The following TNRC6A variants were observed in gnomAD, a reference collection of about 807,000 sequenced individuals.
TNRC6A encodes the protein trinucleotide repeat containing adaptor 6A, also known as trinucleotide repeat-containing gene 6A protein.
A neutral mutation model predicts 221.2 loss-of-function variants in TNRC6A; 44 were observed. The ratio of observed to expected loss-of-function variants is 0.20; its 90% CI spans 0.16 to 0.26. The LOEUF is 0.26. Among genes scored for constraint, TNRC6A ranks in the 10% least tolerant of loss-of-function variants. The pLI is 1.00. For synonymous variants in TNRC6A, 847 were observed against 838.5 expected (o/e 1.01, Z -0.18); for missense variants, 2,199 against 2,404.4 (o/e 0.91, Z 1.79).
intron 2 of TNRC6A, among the ~76,000 whole-genome samples, chr16:24,659,831 C>A (rs909890083): frequency 1.3e-5 from 2 of 152,198 alleles, no homozygotes; most frequent in East Asian, 3.8e-4. Context: ...CCTGATACAT[C>A]ATCTATTACC....
Position 24,822,869 on chromosome 16 carries a change from C to T in TNRC6A, c.5374-5C>T, listed in dbSNP as rs896020202. On this transcript the variant is annotated splice_polypyrimidine_tract_variant and splice_region_variant and intron_variant, in intron 23 of 24. Transcript: ENST00000395799. ...CTCACTGGCAGTTTCCACACTGTTT[C>T]CTAGATCGATGGCTCAACTCTGCGC... The T allele has an allele frequency of 2.9e-5, 47 of 1,613,056 alleles. No homozygotes were observed. The highest frequency in any genetic ancestry group is 3.9e-5 in the Non-Finnish European group (46 of 1,179,960).
chr16:24,649,264 A>C (rs1211780794), intron 2 of TNRC6A, among the ~76,000 whole-genome samples: 1 of 152,078 alleles, frequency 6.6e-6, no homozygotes, highest in Non-Finnish European at 1.5e-5. Flanking sequence ...TATGCATGTT[A>C]CCTCACATAC....
At chr16:24,676,970 A>G (rs1016287724) in intron 2 of TNRC6A, among the ~76,000 whole-genome samples, 2 of 151,806 alleles carry the variant, frequency 1.3e-5, no homozygotes, top group Non-Finnish European at 2.9e-5. Flanking sequence ...TTTCACTGGT[A>G]TGGCTTTAAA....
At chr16:24,738,317 C>T (rs938558096) in intron 2 of TNRC6A, among the ~76,000 whole-genome samples, 1 of 152,064 alleles carries the variant, frequency 6.6e-6, no homozygotes, top group Non-Finnish European at 1.5e-5. Context: ...TAAAATTCAC[C>T]CTTTTAAAGT....
chr16:24,778,522 A>G (rs1240420565), intron 5 of TNRC6A: 1 of 982,952 alleles, frequency 1.0e-6, no homozygotes, highest in African/African-American at 1.7e-5. Flanking sequence ...AATTTAAGTC[A>G]TTGTCCTGAG....
At chr16:24,822,657 A>G (rs1401082843) in intron 23 of TNRC6A, among the ~76,000 whole-genome samples, 9 of 152,122 alleles carry the variant, frequency 5.9e-5, no homozygotes, top group Admixed American at 5.9e-4. Context: ...GGGAGTGTCC[A>G]GGAGTCTAGA....
chr16:24,815,060 A>C, intron 18 of TNRC6A, 87 bp from the exon 19 acceptor site: 1 of 1,464,830 alleles, frequency 6.8e-7, no homozygotes, highest in Non-Finnish European at 9.3e-7. Flanking sequence ...GATCTAATAG[A>C]AAGTGTTCAT....
intron 5 of TNRC6A, among the ~76,000 whole-genome samples, chr16:24,786,421 G>C (rs901512099): frequency 6.6e-6 from 1 of 151,910 alleles, no homozygotes; most frequent in African/African-American, 2.4e-5. Context: ...TGCTTCCCAG[G>C]TTCATGCCAT....
intron 2 of TNRC6A, among the ~76,000 whole-genome samples, chr16:24,656,776 A>G (rs2054921682): frequency 6.6e-6 from 1 of 152,156 alleles, no homozygotes; most frequent in Admixed American, 6.5e-5. Context: ...CTACCTTTCA[A>G]AACTGATAAG....
chr16:24,626,090 T>C (rs2141637218), intron 1 of TNRC6A, among the ~76,000 whole-genome samples: 1 of 152,206 alleles, frequency 6.6e-6, no homozygotes, highest in African/African-American at 2.4e-5. Flanking sequence ...ATGCTGAGGT[T>C]TGGAGTAAGA....
At chr16:24,613,507 T>G (rs974014727) in intron 1 of TNRC6A, among the ~76,000 whole-genome samples, 4 of 82,136 alleles carry the variant, frequency 4.9e-5, no homozygotes, top group African/African-American at 2.0e-4. Flanking sequence ...TTATTTTATT[T>G]TATTTTATTT....
At chr16:24,682,236 T>G (rs1443058729) in intron 2 of TNRC6A, among the ~76,000 whole-genome samples, 1 of 152,038 alleles carries the variant, frequency 6.6e-6, no homozygotes, top group Non-Finnish European at 1.5e-5. Flanking sequence ...TTTGATTTTT[T>G]TTTTTTTAAA....
chr16:24,637,151 G>T (rs1901677241), intron 1 of TNRC6A, among the ~76,000 whole-genome samples: 1 of 152,130 alleles, frequency 6.6e-6, no homozygotes, highest in Non-Finnish European at 1.5e-5. Flanking sequence ...TCCCGTCTCA[G>T]CCTCCCTAGT....
At chr16:24,695,929 T>C (rs900036478) in intron 2 of TNRC6A, among the ~76,000 whole-genome samples, 1 of 152,168 alleles carries the variant, frequency 6.6e-6, no homozygotes, top group Non-Finnish European at 1.5e-5. Flanking sequence ...AGCTTGGAAT[T>C]AATGGGATTC....
chr16:24,725,811 C>T (rs1278874418), upstream of TNRC6A, among the ~76,000 whole-genome samples: 1 of 151,858 alleles, frequency 6.6e-6, no homozygotes, highest in Non-Finnish European at 1.5e-5. Flanking sequence ...ACCAGCCTGG[C>T]CAACATGGTG....
Position 24,809,933 on chromosome 16 carries a change from C to T in TNRC6A, c.4672+452C>T, listed in dbSNP as rs549005814. Among the ~76,000 whole-genome samples the T allele has an allele frequency of 1.8e-3, 274 of 152,308 alleles. 1 individual carries two copies. Among genetic ancestry groups the T allele is most frequent in the African/African-American group, 6.3e-3 (263 of 41,574 alleles). The stretch of plus-strand genomic sequence containing the variant: ...GTTCAAGCAGTTCTCCTACCTCAGC[C>T]TCCTGAGTAGCTGGGATTACAGGCC... On this transcript the variant is annotated intron_variant, in intron 18 of 24. Transcript: ENST00000395799.
intron 2 of TNRC6A, among the ~76,000 whole-genome samples, chr16:24,703,594 A>G (rs2056032028): frequency 6.6e-6 from 1 of 152,190 alleles, no homozygotes; most frequent in South Asian, 2.1e-4. Flanking sequence ...TAGAGAGACA[A>G]TTCCAGTGAA....
chr16:24,730,835 T>G (rs60335223), intron 2 of TNRC6A, among the ~76,000 whole-genome samples: 8,672 of 148,874 alleles, frequency 0.058, 695 homozygotes, highest in East Asian at 0.36. Context: ...AGCTGCGTTT[T>G]GTTTTCCTTC....
At chr16:24,660,739 C>CTTTTTTTT (rs58299677) in intron 2 of TNRC6A, among the ~76,000 whole-genome samples, 23 of 91,270 alleles carry the variant, frequency 2.5e-4, no homozygotes, top group East Asian at 7.4e-4. Context: ...TTTTTTTTTT[C>CTTTTTTTT]TTTTTTTTTT....
Sources: allele counts gnomAD v4.1 joint callset (sites outside exome capture counted in the v4.1 genomes callset), GRCh38; gene constraint gnomAD v4.1.1; transcripts MANE v1.5; gene names NCBI Gene and HGNC (gene_info 2026-07-23, HGNC 2026-07-21).